ABCA12: variants seen among roughly 807,000 people sequenced by gnomAD.
ABCA12 encodes the protein glucosylceramide transporter ABCA12.
Under a neutral mutation model 293.5 loss-of-function variants are expected in ABCA12, and 156 were observed. The ratio of observed to expected loss-of-function variants is 0.53; its 90% CI spans 0.47 to 0.61. ABCA12 has a LOEUF of 0.61. Ranked by LOEUF, ABCA12 falls within the 20% of genes least tolerant of loss-of-function variation. The probability of loss-of-function intolerance (pLI) is 0.00; values close to 1 mark genes in which losing one functional copy is unlikely to be tolerated. For synonymous variants in ABCA12, 1,063 were observed against 1,108.0 expected, an observed-to-expected ratio of 0.96 and a Z score of 0.81; for missense variants, 2,797 against 3,090.2, an observed-to-expected ratio of 0.91 and a Z score of 2.25.
intron 9 of ABCA12, among the ~76,000 whole-genome samples, chr2:215,027,397 C>T (rs1357649682): frequency 6.6e-6 from 1 of 152,132 alleles, no homozygotes; most frequent in African/African-American, 2.4e-5. Context: ...TGTCTTCCCT[C>T]ACCCAGTTTA....
rs762825379 is a variant in ABCA12 at position 215,018,137 on chromosome 2, A to C, written c.1658-5T>G. 1 of 1,611,154 alleles carries C rather than the reference A, an allele frequency of 6.2e-7. No individual in the cohort carries two copies. Among genetic ancestry groups the C allele is most frequent in the Non-Finnish European group, 8.5e-7 (1 of 1,178,912 alleles). On this transcript the variant is annotated splice_polypyrimidine_tract_variant and splice_region_variant and intron_variant, in intron 13 of 52. Coordinates refer to ENST00000272895, the MANE Select transcript of ABCA12 (RefSeq NM_173076.3). ...TAAACATTTCTAGTAACTGACCTGC[A>C]AGAAGAAAAATGTAAAAAGAAAACC... is the stretch of plus-strand genomic sequence containing the variant.
chr2:215,064,778 T>A (rs1274494512), intron 2 of ABCA12, among the ~76,000 whole-genome samples: 1 of 151,706 alleles, frequency 6.6e-6, no homozygotes, highest in Admixed American at 6.6e-5. Flanking sequence ...CAAAATTTGA[T>A]TGATGGCTTT....
At chr2:214,943,399 A>G (rs942802927) in intron 49 of ABCA12, among the ~76,000 whole-genome samples, 2 of 151,284 alleles carry the variant, frequency 1.3e-5, no homozygotes, top group Admixed American at 1.3e-4. Context: ...CCTGCCTTGG[A>G]CCCCCACAAA....
intron 2 of ABCA12, among the ~76,000 whole-genome samples, chr2:215,078,623 C>A (rs1292076703): frequency 6.6e-6 from 1 of 152,200 alleles, no homozygotes; most frequent in Non-Finnish European, 1.5e-5. Context: ...CTCATTCATT[C>A]ATTCATTCAA....
intron 9 of ABCA12, chr2:215,029,365 C>T (rs1700823016): frequency 6.6e-6 from 1 of 152,156 alleles, no homozygotes; most frequent in Admixed American, 6.5e-5. Context: ...CACGTCGGGT[C>T]GTTCTCCTGC....
Position 215,018,026 on chromosome 2 carries a change from G to T in ABCA12, c.1764C>A (p.Ile588=). 1 of 1,614,100 alleles carries T rather than the reference G, an allele frequency of 6.2e-7. No individual in the cohort carries two copies. The highest frequency in any genetic ancestry group is 8.5e-7 in the Non-Finnish European group (1 of 1,180,014). ...RTIDKLLAIP[I]PDNRAEIISQ... ...ACCCCACCTCAGCTCTATTATCAGGGATGGGAATGGCCAGCAACTTGTCAA... is the reference window on the plus strand; with the variant it reads ...ACCCCACCTCAGCTCTATTATCAGGTATGGGAATGGCCAGCAACTTGTCAA... The change falls in exon 14 of 53, where the codon ATC becomes ATA. Residue 588 remains isoleucine (I), a synonymous_variant. Coordinates refer to ENST00000272895, the MANE Select transcript of ABCA12 (RefSeq NM_173076.3).
intron 24 of ABCA12, among the ~76,000 whole-genome samples, chr2:214,990,052 A>G (rs1559133837): frequency 1.3e-5 from 2 of 152,222 alleles, no homozygotes; most frequent in African/African-American, 2.4e-5. Flanking sequence ...AGTTGATTGA[A>G]TATTGATAAT....
At chr2:215,056,012 T>A (rs1559170228) in intron 3 of ABCA12, among the ~76,000 whole-genome samples, 1 of 152,050 alleles carries the variant, frequency 6.6e-6, no homozygotes. Context: ...TGAAATCCTA[T>A]GAGGACTACT....
rs149457636 is a variant in ABCA12, at chr2:215,068,420, G to A, written c.164-4201C>T. On this transcript the variant is annotated intron_variant, in intron 2 of 52. Coordinates refer to ENST00000272895, the MANE Select transcript of ABCA12 (RefSeq NM_173076.3). ...AGCCATAGACAATGGGTGCCTCAAT[G>A]AGCCTGGTTGTATTCCAATAAAACT... 4.7e-3 allele frequency among the ~76,000 whole-genome samples: 718 copies of A among 152,252 alleles called. 5 individuals are homozygous for A. The highest frequency in any genetic ancestry group is 0.016 in the African/African-American group (673 of 41,554).
intron 3 of ABCA12, among the ~76,000 whole-genome samples, chr2:215,062,778 C>A (rs539715825): frequency 6.6e-6 from 1 of 151,976 alleles, no homozygotes; most frequent in Non-Finnish European, 1.5e-5. Flanking sequence ...CTAGCAGAGG[C>A]CTTCTTTTGA....
In ABCA12 at chr2:215,047,000, C is replaced by G. The variant is rs1350628961; in HGVS notation, c.694-985G>C. On this transcript the variant is annotated intron_variant, in intron 6 of 52. Coordinates refer to ENST00000272895, the MANE Select transcript of ABCA12 (RefSeq NM_173076.3). ...CAAAAAACCAAACACTGCATGTTCT[C>G]ACTTGTAAGTGGGAGCTGAACAATG... Among the ~76,000 whole-genome samples the G allele has an allele frequency of 2.0e-5, 3 of 152,286 alleles. No individual in the cohort carries two copies. In the East Asian group the frequency reaches 5.8e-4, roughly 29 times the overall value.
chr2:214,954,174 C>A (rs1221654801), intron 43 of ABCA12, 67 bp from the exon 44 acceptor site: 1 of 1,545,524 alleles, frequency 6.5e-7, no homozygotes, highest in Admixed American at 1.7e-5. Context: ...AAATTTAAAA[C>A]TAGATGGATG....
Position 214,972,856 on chromosome 2 carries a change from A to AT in ABCA12, c.5562+1092dup, listed in dbSNP as rs1290062391. On this transcript the variant is annotated intron_variant, in intron 36 of 52. Coordinates refer to ENST00000272895, the MANE Select transcript of ABCA12 (RefSeq NM_173076.3). Reference sequence around the variant, plus strand: ...AACTTTTAATACTGGGTTAAGACTAATTTTTTTTTCCACCCAGGCTGGAGT... The same window carrying AT: ...AACTTTTAATACTGGGTTAAGACTAATTTTTTTTTTCCACCCAGGCTGGAGT... 8.7e-5 allele frequency among the ~76,000 whole-genome samples: 13 copies of AT among 149,468 alleles called. No individual in the cohort carries two copies. In the South Asian group the frequency reaches 2.3e-3, roughly 27 times the overall value.
intron 2 of ABCA12, among the ~76,000 whole-genome samples, chr2:215,107,954 G>A (rs1397957306): frequency 6.6e-6 from 1 of 152,180 alleles, no homozygotes; most frequent in Non-Finnish European, 1.5e-5. Flanking sequence ...CCTTGCTCTT[G>A]CTGCTGACTT....
chr2:215,093,606 G>A lies in ABCA12; in HGVS notation c.163+17991C>T, dbSNP rs528422491. On this transcript the variant is annotated intron_variant, in intron 2 of 52. Coordinates refer to ENST00000272895, the MANE Select transcript of ABCA12 (RefSeq NM_173076.3). ...GTTTCAGGCTGGACCTCATGTCTGC[G>A]TGCGGCAGCTGCCGCTGCTTTAATA... Among the ~76,000 whole-genome samples the A allele has an allele frequency of 9.2e-5, 14 of 152,336 alleles. No individual in the cohort carries two copies. In the South Asian group the frequency reaches 1.4e-3, roughly 16 times the overall value.
chr2:215,027,188 A>T (rs1420774279), intron 9 of ABCA12, among the ~76,000 whole-genome samples: 1 of 151,396 alleles, frequency 6.6e-6, no homozygotes, highest in Non-Finnish European at 1.5e-5. Context: ...CATTAAAAAT[A>T]AAAAAAAATT....
In ABCA12 at chr2:214,989,375, A is replaced by G. The variant is rs1699863749; in HGVS notation, c.3783T>C (p.Ser1261=). 1 of 1,613,446 alleles carries G rather than the reference A, an allele frequency of 6.2e-7. No individual in the cohort carries two copies. Among genetic ancestry groups the G allele is most frequent in the South Asian group, 1.1e-5 (1 of 91,068 alleles). ...GWLCCLILAD[S]FIYFLIAWYV... The stretch of plus-strand genomic sequence containing the variant: ...ACCAAGCAATAAGGAAATAAATGAA[A>G]GAGTCAGCTAGGATTAGACAGCACA... The change falls in exon 26 of 53, where the codon TCT becomes TCC. Residue 1261 remains serine (S), a synonymous_variant. Transcript: ENST00000272895.
chr2:215,004,168 G>A (rs1427306588), intron 20 of ABCA12, 41 bp downstream of exon 20: 12 of 1,502,378 alleles, frequency 8.0e-6, no homozygotes, highest in Non-Finnish European at 1.1e-5. Flanking sequence ...TTATATGTCC[G>A]ACATGACTCA....
intron 1 of ABCA12, among the ~76,000 whole-genome samples, chr2:215,130,735 T>C (rs891395443): frequency 2.0e-5 from 3 of 152,172 alleles, no homozygotes; most frequent in Non-Finnish European, 4.4e-5. Context: ...CTCTTATTTC[T>C]TTCTCTTGCC....
Sources: allele counts gnomAD v4.1 joint callset (sites outside exome capture counted in the v4.1 genomes callset), GRCh38; gene constraint gnomAD v4.1.1; transcripts MANE v1.5; gene names NCBI Gene and HGNC (gene_info 2026-07-23, HGNC 2026-07-21).